EXPH5: variants seen among roughly 807,000 people sequenced by gnomAD.
EXPH5 encodes the protein exophilin-5.
A neutral mutation model predicts 41.1 loss-of-function variants in EXPH5; 42 were observed. The ratio of observed to expected loss-of-function variants is 1.02; its 90% CI spans 0.80 to 1.32. EXPH5 has a LOEUF of 1.32. EXPH5 is among the 40% of genes most tolerant of loss of function. The pLI is 0.00. For synonymous variants in EXPH5, 798 were observed against 833.5 expected (o/e 0.96, Z 0.73); for missense variants, 2,298 against 2,314.5 (o/e 0.99, Z 0.15).
In EXPH5 at chr11:108,513,178, C is replaced by G; in HGVS notation, c.2329G>C (p.Asp777His). The change falls in exon 6 of 6, where the codon GAT (aspartate) becomes CAT (histidine). Residue 777 changes from aspartate to histidine, a missense_variant. Transcript: ENST00000265843. ...KKSPRVFSRK[D>H]TSKMYIPHTD... Reference sequence around the variant, plus strand: ...TGCGGTATATACATTTTGGAGGTATCTTTCCTGGAAAAGACTCTGGGTGAC... The same window carrying G: ...TGCGGTATATACATTTTGGAGGTATGTTTCCTGGAAAAGACTCTGGGTGAC... 1 of 1,614,076 alleles carries G rather than the reference C, an allele frequency of 6.2e-7. No homozygotes were observed. The highest frequency in any genetic ancestry group is 8.5e-7 in the Non-Finnish European group (1 of 1,179,994).
intron 4 of EXPH5, among the ~76,000 whole-genome samples, chr11:108,523,394 C>T (rs1324066794): frequency 6.6e-6 from 1 of 152,072 alleles, no homozygotes; most frequent in African/African-American, 2.4e-5. Context: ...ATGATCTGAT[C>T]CCAAACCCTC....
intron 5 of EXPH5, among the ~76,000 whole-genome samples, chr11:108,516,257 A>G (rs2093726236): frequency 6.6e-6 from 1 of 152,010 alleles, no homozygotes; most frequent in African/African-American, 2.4e-5. Flanking sequence ...GTCAGTGCCC[A>G]GGGGCCCCCT....
chr11:108,567,831 G>A (rs977374325), intron 1 of EXPH5: 2 of 152,156 alleles, frequency 1.3e-5, no homozygotes, highest in African/African-American at 4.8e-5. Flanking sequence ...AAACTCAGGG[G>A]TGTGTGTACA....
intron 3 of EXPH5, among the ~76,000 whole-genome samples, chr11:108,530,013 C>T (rs1051750641): frequency 6.6e-6 from 1 of 152,112 alleles, no homozygotes; most frequent in Non-Finnish European, 1.5e-5. Context: ...TTCAAACTTC[C>T]AGCAGCTTCA....
chr11:108,575,866 C>A (rs1239269334), intron 1 of EXPH5, among the ~76,000 whole-genome samples: 1 of 151,936 alleles, frequency 6.6e-6, no homozygotes, highest in Non-Finnish European at 1.5e-5. Context: ...TCCAGCTACT[C>A]GGGTGGTTGA....
chr11:108,538,712 A>G (rs1254251865), intron 3 of EXPH5, among the ~76,000 whole-genome samples: 1 of 152,194 alleles, frequency 6.6e-6, no homozygotes, highest in Non-Finnish European at 1.5e-5. Context: ...CTTCCTGGAC[A>G]GGACATAGGC....
intron 1 of EXPH5, among the ~76,000 whole-genome samples, chr11:108,550,899 A>G (rs530066124): frequency 6.6e-6 from 1 of 152,326 alleles, no homozygotes; most frequent in African/African-American, 2.4e-5. Context: ...CCAGTCTAAA[A>G]TCTATGGTCA....
upstream of EXPH5, among the ~76,000 whole-genome samples, chr11:108,594,526 T>G (rs2094135795): frequency 6.6e-6 from 1 of 152,212 alleles, no homozygotes; most frequent in Non-Finnish European, 1.5e-5. Context: ...TCCTAGAAAG[T>G]CAATTGTTCC....
chr11:108,510,473 T>A lies in EXPH5; in HGVS notation c.5034A>T (p.Leu1678=). ...KSENLLPITV[L]PNREPSTHVS... Reference sequence around the variant, plus strand: ...CGTGTGTAGAAGGTTCTCTGTTGGGTAGTACAGTAATGGGGAGAAGGTTCT... The same window carrying A: ...CGTGTGTAGAAGGTTCTCTGTTGGGAAGTACAGTAATGGGGAGAAGGTTCT... Residue 1678 remains leucine (L), a synonymous_variant, in exon 6 of 6, where the codon CTA becomes CTT. Transcript: ENST00000265843. 1 of 1,614,162 alleles carries A rather than the reference T, an allele frequency of 6.2e-7. No homozygotes were observed.
At position 108,555,762 on chromosome 11, in the gene EXPH5, C is replaced by T. The variant is rs1024510539; in HGVS notation, c.120-13950G>A. On this transcript the variant is annotated intron_variant, in intron 1 of 5. Transcript: ENST00000265843. Reference sequence around the variant, plus strand: ...TATAAGGGGTTTATCTCACTTCACTCGGCACTTCTCTCTCCTGCCGCCATG... The same window carrying T: ...TATAAGGGGTTTATCTCACTTCACTTGGCACTTCTCTCTCCTGCCGCCATG... Among the ~76,000 whole-genome samples, 9 of 152,140 alleles carry T rather than the reference C, an allele frequency of 5.9e-5. No individual in the cohort carries two copies. The South Asian group carries it at 8.3e-4, about 14-fold the overall frequency.
At chr11:108,594,523 A>G (rs1292698505), upstream of EXPH5, among the ~76,000 whole-genome samples, 1 of 152,236 alleles carries the variant, frequency 6.6e-6, no homozygotes, top group Non-Finnish European at 1.5e-5. Flanking sequence ...CTTTCCTAGA[A>G]AGTCAATTGT....
intron 4 of EXPH5, among the ~76,000 whole-genome samples, chr11:108,520,565 CATTTATTT>C (rs1016689922): frequency 2.3e-5 from 2 of 87,192 alleles, no homozygotes; most frequent in Non-Finnish European, 4.1e-5. Flanking sequence ...TTTATTTATT[CATTTATTT>C]ATTTATTTAT....
rs1218746234 is a variant in EXPH5, at chr11:108,528,192, A to C, written c.444-8T>G. ...CCTGCATGGCCATCACATCTGTGGA[A>C]ATAATTTGAAATGATTTCTTTGAAG... On this transcript the variant is annotated splice_region_variant and splice_polypyrimidine_tract_variant and intron_variant, in intron 3 of 5. Transcript: ENST00000265843. The C allele has an allele frequency of 1.9e-6, 3 of 1,603,508 alleles. No individual in the cohort carries two copies. The highest frequency in any genetic ancestry group is 2.6e-6 in the Non-Finnish European group (3 of 1,171,128).
At chr11:108,583,311 G>T (rs1024987750) in intron 1 of EXPH5, among the ~76,000 whole-genome samples, 24 of 151,770 alleles carry the variant, frequency 1.6e-4, no homozygotes, top group Non-Finnish European at 2.6e-4. Flanking sequence ...GAACCCGAGT[G>T]CAGTGAGCTG....
intron 1 of EXPH5, among the ~76,000 whole-genome samples, chr11:108,578,734 T>C (rs763162169): frequency 1.6e-4 from 24 of 152,234 alleles, no homozygotes; most frequent in Admixed American, 1.3e-4. Context: ...GTTTTCATTG[T>C]AGAGATCTTT....
intron 1 of EXPH5, among the ~76,000 whole-genome samples, chr11:108,552,598 C>T (rs747784583): frequency 9.2e-5 from 14 of 152,110 alleles, no homozygotes; most frequent in African/African-American, 3.4e-4. Flanking sequence ...GCCTACTCTA[C>T]GATAAAAAGC....
intron 4 of EXPH5, 94 bp from the exon 5 acceptor site, chr11:108,518,467 A>G: frequency 8.6e-7 from 1 of 1,164,666 alleles, no homozygotes. Context: ...GCTTAAAAGT[A>G]TTAGTCTAAG....
chr11:108,540,283 A>C lies in EXPH5; in HGVS notation c.281-1097T>G, dbSNP rs546308644. Reference sequence around the variant, plus strand: ...GGTTGCAATGACCTGAGATCATGCCACTACACTGCAGCCTGTGTGACAGAG... The same window carrying C: ...GGTTGCAATGACCTGAGATCATGCCCCTACACTGCAGCCTGTGTGACAGAG... On this transcript the variant is annotated intron_variant, in intron 2 of 5. Coordinates refer to ENST00000265843, the MANE Select transcript of EXPH5 (RefSeq NM_015065.3). Among the ~76,000 whole-genome samples the C allele has an allele frequency of 7.9e-5, 12 of 152,358 alleles. No individual in the cohort carries two copies. The East Asian group carries it at 2.3e-3, about 29-fold the overall frequency.
chr11:108,566,001 T>C (rs1050335636), intron 1 of EXPH5, among the ~76,000 whole-genome samples: 9 of 152,188 alleles, frequency 5.9e-5, no homozygotes, highest in African/African-American at 2.2e-4. Context: ...TCAACCATAA[T>C]GAGCACTTAA....
Sources: gnomAD v4.1 joint callset for allele counts (sites outside exome capture counted in the v4.1 genomes callset) on GRCh38, gnomAD v4.1.1 for gene constraint, MANE v1.5 for transcripts, NCBI Gene and HGNC (gene_info 2026-07-23, HGNC 2026-07-21) for gene names.